ST3GAL6: variants seen among roughly 807,000 people sequenced by gnomAD.
ST3GAL6 encodes ST3 beta-galactoside alpha-2,3-sialyltransferase 6.
A neutral mutation model predicts 40.5 loss-of-function variants in ST3GAL6; 31 were observed. The ratio of observed to expected loss-of-function variants is 0.77; its 90% confidence interval spans 0.58 to 1.03. The LOEUF (loss-of-function observed/expected upper bound fraction) is 1.03. ST3GAL6 is among the 50% of genes least tolerant of loss of function. The probability of loss-of-function intolerance (pLI) is 0.00; values close to 1 mark genes in which losing one functional copy is unlikely to be tolerated. For synonymous variants in ST3GAL6, 129 were observed against 136.9 expected, an observed-to-expected ratio of 0.94 and a Z score of 0.40; for missense variants, 357 against 393.2, an observed-to-expected ratio of 0.91 and a Z score of 0.78.
At chr3:98,739,633 A>T (rs1409718385) in intron 1 of ST3GAL6, among the ~76,000 whole-genome samples, 1 of 152,202 alleles carries the variant, frequency 6.6e-6, no homozygotes, top group Non-Finnish European at 1.5e-5. Context: ...CAACTTTAAT[A>T]TGTAAGAGTC....
chr3:98,767,040 C>A (rs565545274), intron 1 of ST3GAL6, among the ~76,000 whole-genome samples: 1 of 152,150 alleles, frequency 6.6e-6, no homozygotes, highest in South Asian at 2.1e-4. Context: ...CATTAACTTG[C>A]TTATTTATTT....
chr3:98,757,007 T>C (rs984630733), intron 1 of ST3GAL6, among the ~76,000 whole-genome samples: 1 of 152,202 alleles, frequency 6.6e-6, no homozygotes, highest in Non-Finnish European at 1.5e-5. Context: ...TTAATGATAG[T>C]TTCATTAAAG....
chr3:98,732,951 C>T (rs1488325544), intron 1 of ST3GAL6: 2 of 1,507,834 alleles, frequency 1.3e-6, no homozygotes, highest in East Asian at 5.3e-5. Context: ...GCGGTCGTCG[C>T]TCCTGGGCCT....
At chr3:98,768,166 G>A (rs1387918452) in intron 1 of ST3GAL6, among the ~76,000 whole-genome samples, 4 of 152,130 alleles carry the variant, frequency 2.6e-5, no homozygotes, top group Non-Finnish European at 5.9e-5. Context: ...AAAGTAGTAG[G>A]GGGAGGCCCC....
In ST3GAL6 at chr3:98,776,258, A is replaced by G. The variant is rs1043121670; in HGVS notation, c.335+2275A>G. On this transcript the variant is annotated intron_variant, in intron 5 of 9. Coordinates refer to ENST00000483910, the MANE Select transcript of ST3GAL6 (RefSeq NM_001323368.2). ...CAACCAGGCTGTGCCTGAGCAATAC[A>G]TTTTTAGTAAACTCCAGAAAGGCAG... Among the ~76,000 whole-genome samples the G allele has an allele frequency of 2.6e-5, 4 of 152,202 alleles. No homozygotes were observed. The South Asian group carries it at 8.3e-4, about 32-fold the overall frequency.
intron 5 of ST3GAL6, among the ~76,000 whole-genome samples, chr3:98,775,378 A>T (rs1397999299): frequency 6.6e-6 from 1 of 151,800 alleles, no homozygotes; most frequent in Non-Finnish European, 1.5e-5. Context: ...TGGGAGGCTG[A>T]GGCAGGAGAA....
chr3:98,741,426 G>C (rs1324960985), intron 1 of ST3GAL6, among the ~76,000 whole-genome samples: 1 of 152,092 alleles, frequency 6.6e-6, no homozygotes, highest in African/African-American at 2.4e-5. Context: ...AGGGGAATTG[G>C]GGGGCAGGGT....
intron 4 of ST3GAL6, 149 bp downstream of exon 4, chr3:98,773,065 C>A: frequency 1.9e-6 from 1 of 523,422 alleles, no homozygotes; most frequent in South Asian, 3.0e-5. Flanking sequence ...AAATGAATTA[C>A]ATTTTAAAAT....
At chr3:98,753,692 C>T (rs72932628) in intron 1 of ST3GAL6, among the ~76,000 whole-genome samples, 132 of 152,304 alleles carry the variant, frequency 8.7e-4, no homozygotes, top group African/African-American at 3.1e-3. Context: ...CAGCCAAGTG[C>T]GGTAGCTTAC....
intron 5 of ST3GAL6, among the ~76,000 whole-genome samples, chr3:98,781,354 G>C (rs1940100751): frequency 6.6e-6 from 1 of 152,022 alleles, no homozygotes; most frequent in Non-Finnish European, 1.5e-5. Context: ...GGGAGGGATA[G>C]CATTAGGAGA....
chr3:98,758,126 A>C (rs1332195683), intron 1 of ST3GAL6, among the ~76,000 whole-genome samples: 4 of 152,192 alleles, frequency 2.6e-5, no homozygotes, highest in Non-Finnish European at 5.9e-5. Flanking sequence ...GGCTTGAGCC[A>C]CCGTGCCCGG....
At chr3:98,762,932 A>G, upstream of ST3GAL6, 1 of 985,462 alleles carries the variant, frequency 1.0e-6, no homozygotes, top group South Asian at 4.7e-5. Context: ...TATCATTTAC[A>G]TGATCATCGC....
At chr3:98,788,769 A>G (rs1329648870) in intron 8 of ST3GAL6, among the ~76,000 whole-genome samples, 2 of 152,044 alleles carry the variant, frequency 1.3e-5, no homozygotes, top group Admixed American at 6.5e-5. Flanking sequence ...CAGTGAGGAG[A>G]GTCTGACTGG....
At chr3:98,784,815 C>T (rs926758233) in intron 5 of ST3GAL6, 130 bp from the exon 6 acceptor site, 18 of 657,466 alleles carry the variant, frequency 2.7e-5, no homozygotes, top group African/African-American at 2.3e-4. Context: ...ACTTGTAAGT[C>T]GCAGTTGGTT....
At chr3:98,783,206 G>C (rs1940349105) in intron 5 of ST3GAL6, 1 of 158,670 alleles carries the variant, frequency 6.3e-6, no homozygotes, top group Admixed American at 6.5e-5. Context: ...CAGCAGACCT[G>C]CACTGACCAC....
rs182426080 is a variant in ST3GAL6, at chr3:98,791,962, A to G, written c.878A>G (p.Tyr293Cys). 2 of 1,613,844 alleles carry G rather than the reference A, an allele frequency of 1.2e-6. No homozygotes were observed. Among genetic ancestry groups the G allele is most frequent in the East Asian group, 2.2e-5 (1 of 44,864 alleles). ...FSDLKSPLHY[Y>C]GNATMSLMNK... is the part of the protein sequence containing the mutation. ...GACCTCAAGAGTCCTTTGCACTACT[A>G]TGGGAATGCCACCATGTCTTTGATG... The change falls in exon 9 of 10, where the codon TAT becomes TGT. Residue 293 changes from tyrosine (Y) to cysteine (C), a missense_variant. By Grantham distance (194) the Tyr-to-Cys change is radical (BLOSUM62 -2). Transcript: ENST00000483910.
intron 9 of ST3GAL6, among the ~76,000 whole-genome samples, chr3:98,792,966 T>C (rs1282668431): frequency 6.6e-6 from 1 of 152,194 alleles, no homozygotes; most frequent in African/African-American, 2.4e-5. Context: ...TATATGGATA[T>C]ATCTCATGAA....
chr3:98,765,301 G>T (rs917375059), intron 1 of ST3GAL6, among the ~76,000 whole-genome samples: 1 of 152,184 alleles, frequency 6.6e-6, no homozygotes, highest in Non-Finnish European at 1.5e-5. Flanking sequence ...CACCAGGAAT[G>T]GAACTCTGAG....
intron 1 of ST3GAL6, among the ~76,000 whole-genome samples, chr3:98,748,131 T>C (rs1456045404): frequency 1.3e-5 from 2 of 152,248 alleles, no homozygotes; most frequent in African/African-American, 2.4e-5. Flanking sequence ...TAATATTTCA[T>C]GATGTCATTC....
Sources: allele counts gnomAD v4.1 joint callset (sites outside exome capture counted in the v4.1 genomes callset), GRCh38; gene constraint gnomAD v4.1.1; transcripts MANE v1.5; gene names NCBI Gene and HGNC (gene_info 2026-07-23, HGNC 2026-07-21).